Variants in FANCB observed in about 807,000 individuals in gnomAD.
FANCB encodes FA complementation group B.
A neutral mutation model predicts 38.9 loss-of-function variants in FANCB; 5 were observed. That is an observed-to-expected ratio of 0.13 (90% CI 0.07 to 0.27). The LOEUF (loss-of-function observed/expected upper bound fraction) is 0.27, where lower values mean the gene tolerates loss of function less well. FANCB is among the 10% of genes least tolerant of loss of function. The pLI is 1.00. For synonymous variants in FANCB, 236 were observed against 215.4 expected, an observed-to-expected ratio of 1.10 and a Z score of -0.84; for missense variants, 573 against 602.7, an observed-to-expected ratio of 0.95 and a Z score of 0.52.
chrX:14,736,529 C>T, the FANCB span, among the ~76,000 whole-genome samples: 10 of 111,539 alleles, frequency 9.0e-5, no homozygotes, highest in South Asian at 1.9e-3. Context: ...GGTGAGGCAA[C>T]GCCCCACCCT....
At chrX:14,731,963 C>T in the FANCB span, among the ~76,000 whole-genome samples, 2 of 110,692 alleles carry the variant, frequency 1.8e-5, no homozygotes, top group African/African-American at 3.3e-5. Flanking sequence ...ATACACGTGC[C>T]ATGGTGGTTT....
At chrX:14,855,477 G>A (rs1260850604) in intron 5 of FANCB, among the ~76,000 whole-genome samples, 1 of 111,549 alleles carries the variant, frequency 9.0e-6, no homozygotes, top group Non-Finnish European at 1.9e-5. Context: ...TTCCCTTAAT[G>A]TTGTTTAAAG....
At chrX:14,727,518 T>A in the FANCB span, among the ~76,000 whole-genome samples, 1 of 111,945 alleles carries the variant, frequency 8.9e-6, no homozygotes, top group African/African-American at 3.2e-5. Context: ...CTATAACAAG[T>A]CCCCTCCTCC....
the FANCB span, among the ~76,000 whole-genome samples, chrX:14,775,200 G>T: frequency 1.7e-5 from 1 of 60,502 alleles, no homozygotes; most frequent in African/African-American, 6.1e-5. Flanking sequence ...CTTTGGTACC[G>T]TCATTCTGAC....
intron 3 of FANCB, among the ~76,000 whole-genome samples, chrX:14,863,614 G>C (rs1468677164): frequency 8.9e-6 from 1 of 111,804 alleles, no homozygotes; most frequent in Non-Finnish European, 1.9e-5. Flanking sequence ...GAATATTTTA[G>C]AACAATTTCC....
At chrX:14,757,952 A>G in the FANCB span, among the ~76,000 whole-genome samples, 1 of 111,702 alleles carries the variant, frequency 9.0e-6, no homozygotes, top group Non-Finnish European at 1.9e-5. Context: ...GGAGGCTGGT[A>G]GCCTGGGGCA....
chrX:14,709,805 A>T, the FANCB span, among the ~76,000 whole-genome samples: 168 of 112,046 alleles, frequency 1.5e-3, no homozygotes, highest in Middle Eastern at 4.6e-3. Flanking sequence ...AAGCAATAGG[A>T]AAGTGCCTCC....
chrX:14,733,246 A>C, the FANCB span, among the ~76,000 whole-genome samples: 1 of 111,852 alleles, frequency 8.9e-6, no homozygotes, highest in African/African-American at 3.3e-5. Context: ...TTTTGGTACC[A>C]GTACCATGCT....
chrX:14,694,266 C>A, the FANCB span, among the ~76,000 whole-genome samples: 2 of 111,219 alleles, frequency 1.8e-5, no homozygotes, highest in African/African-American at 6.5e-5. Context: ...GAGGGTAAAA[C>A]AAATTTCTGC....
At chrX:14,842,428 CA>C (rs1376922843), downstream of FANCB, among the ~76,000 whole-genome samples, 2 of 112,217 alleles carry the variant, frequency 1.8e-5, no homozygotes, top group Non-Finnish European at 3.8e-5. Flanking sequence ...TTATTTCTCT[CA>C]ACTGAGATGG....
At chrX:14,823,145 C>T in the FANCB span, among the ~76,000 whole-genome samples, 2 of 92,447 alleles carry the variant, frequency 2.2e-5, no homozygotes, top group Non-Finnish European at 4.1e-5. Flanking sequence ...TGCAGTGGCG[C>T]GATCTTGGCT....
intron 7 of FANCB, among the ~76,000 whole-genome samples, chrX:14,846,374 G>A (rs1701738571): frequency 9.0e-6 from 1 of 111,343 alleles, no homozygotes; most frequent in African/African-American, 3.3e-5. Context: ...AACCCACTGA[G>A]GATAAATAAG....
the FANCB span, among the ~76,000 whole-genome samples, chrX:14,701,352 A>G: frequency 9.0e-6 from 1 of 111,053 alleles, no homozygotes; most frequent in Non-Finnish European, 1.9e-5. Context: ...TGATCCAGGC[A>G]GGACTGACTG....
the FANCB span, among the ~76,000 whole-genome samples, chrX:14,784,142 G>A: frequency 0.011 from 1,184 of 112,444 alleles, 11 homozygotes; most frequent in Middle Eastern, 0.041. Flanking sequence ...CCTGGAAGGC[G>A]GAGGTTGCGG....
At chrX:14,830,960 CA>C (rs1331570349), downstream of FANCB, among the ~76,000 whole-genome samples, 2 of 111,860 alleles carry the variant, frequency 1.8e-5, no homozygotes, top group African/African-American at 3.2e-5. Flanking sequence ...ATCATGGTGG[CA>C]GGGGTAACAT....
chrX:14,772,213 T>C, the FANCB span, among the ~76,000 whole-genome samples: 1,580 of 110,854 alleles, frequency 0.014, 26 homozygotes, highest in African/African-American at 0.042. Context: ...AACAGTTGAG[T>C]TGACTGAACT....
chrX:14,730,313 C>G, the FANCB span: 1 of 1,210,556 alleles, frequency 8.3e-7, no homozygotes, highest in Non-Finnish European at 1.1e-6. Flanking sequence ...CCTGCCAACC[C>G]ACTCCCACAA....
intron 3 of FANCB, chrX:14,862,476 T>C (rs2092450893): frequency 8.9e-6 from 1 of 111,930 alleles, no homozygotes; most frequent in Non-Finnish European, 1.9e-5. Context: ...TGCAGTCTCC[T>C]GCCTTGGGTA....
At chrX:14,793,694 G>T in the FANCB span, among the ~76,000 whole-genome samples, 1 of 112,392 alleles carries the variant, frequency 8.9e-6, no homozygotes, top group African/African-American at 3.2e-5. Flanking sequence ...CACGCGTAGA[G>T]AGAGGACAAG....
Sources: allele counts gnomAD v4.1 joint callset (sites outside exome capture counted in the v4.1 genomes callset), GRCh38; gene constraint gnomAD v4.1.1; transcripts MANE v1.5; gene names NCBI Gene and HGNC (gene_info 2026-07-23, HGNC 2026-07-21).